RORC: variants seen among roughly 807,000 people sequenced by gnomAD.
RORC encodes the protein nuclear receptor ROR-gamma.
Under a neutral mutation model 64.5 loss-of-function variants are expected in RORC, and 13 were observed. The ratio of observed to expected loss-of-function variants is 0.20; its 90% CI spans 0.13 to 0.32. The LOEUF (loss-of-function observed/expected upper bound fraction) is 0.32, where lower values mean the gene tolerates loss of function less well. Ranked by LOEUF, RORC falls within the 10% of genes least tolerant of loss-of-function variation. RORC has a pLI of 1.00. For missense variants in RORC, 468 were observed against 669.5 expected, an observed-to-expected ratio of 0.70 and a Z score of 3.32; for synonymous variants, 277 against 259.3, an observed-to-expected ratio of 1.07 and a Z score of -0.65.
chr1:151,807,938 A>G lies in RORC; in HGVS notation c.1396-305T>C, dbSNP rs540400353. On this transcript the variant is annotated intron_variant, in intron 10 of 10. Coordinates refer to ENST00000318247, the MANE Select transcript of RORC (RefSeq NM_005060.4). This position sits in a 1 kb window ranked among gnomAD's most constrained non-coding sequence, Gnocchi z 5.0. ...TGCACTTCCTGCTTTTATAAGAGTG[A>G]TTGTCTGTGACTCTTGTTGTATGCT... Among the ~76,000 whole-genome samples the G allele has an allele frequency of 6.6e-6, 1 of 152,246 alleles. No homozygotes were observed. The highest frequency in any genetic ancestry group is 1.5e-5 in the Non-Finnish European group (1 of 68,008).
chr1:151,823,944 T>C (rs1212444060), intron 2 of RORC, among the ~76,000 whole-genome samples: 1 of 152,198 alleles, frequency 6.6e-6, no homozygotes, highest in Non-Finnish European at 1.5e-5. Context: ...CCTCCATGCG[T>C]TTGGCTCTAT....
chr1:151,819,682 A>G (rs1184260929), intron 2 of RORC, among the ~76,000 whole-genome samples: 1 of 152,138 alleles, frequency 6.6e-6, no homozygotes, highest in African/African-American at 2.4e-5. Context: ...TGCTGACCAC[A>G]TGGTGACCCC....
chr1:151,812,560 C>T (rs764854203), intron 9 of RORC: 1 of 185,786 alleles, frequency 5.4e-6, no homozygotes, highest in Non-Finnish European at 1.1e-5. Context: ...AGTCATGGAG[C>T]ACATGTACAC....
At chr1:151,815,537 A>T in intron 4 of RORC, 112 bp from the exon 5 acceptor site, 6 of 1,339,538 alleles carry the variant, frequency 4.5e-6, no homozygotes, top group Non-Finnish European at 5.9e-6. Context: ...TGAATGGCTG[A>T]CTCCAAGCAC....
chr1:151,818,035 A>T (rs79469888), intron 2 of RORC, among the ~76,000 whole-genome samples: 3,341 of 152,326 alleles, frequency 0.022, 128 homozygotes, highest in African/African-American at 0.077. Flanking sequence ...GTGAACATGA[A>T]TCATCAATGT....
chr1:151,829,114 G>A (rs138806560), intron 2 of RORC, among the ~76,000 whole-genome samples: 2 of 139,378 alleles, frequency 1.4e-5, no homozygotes, highest in African/African-American at 5.5e-5. Flanking sequence ...CCTGGCAGTC[G>A]GCCCCACCCC....
chr1:151,823,626 C>A (rs904572165), intron 2 of RORC, among the ~76,000 whole-genome samples: 2 of 152,220 alleles, frequency 1.3e-5, no homozygotes, highest in Admixed American at 6.5e-5. Flanking sequence ...TGTTTCTGGG[C>A]TTCACACCTT....
At position 151,817,267 on chromosome 1, in the gene RORC, C is replaced by T; in HGVS notation, c.84G>A (p.Val28=). 6.2e-7 allele frequency: 1 copy of T among 1,613,940 alleles called. No individual in the cohort carries two copies. Among genetic ancestry groups the T allele is most frequent in the Non-Finnish European group, 8.5e-7 (1 of 1,179,778 alleles). Residue 28 remains valine (V), a synonymous_variant, in exon 3 of 11, where the codon GTG becomes GTA. Coordinates refer to ENST00000318247, the MANE Select transcript of RORC (RefSeq NM_005060.4). ...AKKTHTSQIE[V]IPCKICGDKS... is the part of the protein sequence containing the mutation. The stretch of plus-strand genomic sequence containing the variant: ...TGTCCCCACAGATTTTGCAAGGGAT[C>T]ACTTCAATTTGTGCTGGAAGAGAGA...
chr1:151,810,237 T>G (rs543994011), intron 10 of RORC, among the ~76,000 whole-genome samples: 45 of 152,304 alleles, frequency 3.0e-4, no homozygotes, highest in Non-Finnish European at 2.9e-5. Flanking sequence ...TCATTTTTTT[T>G]GTTTTGCTCC....
chr1:151,816,334 G>A (rs1252958944), intron 4 of RORC, among the ~76,000 whole-genome samples: 1 of 152,244 alleles, frequency 6.6e-6, no homozygotes, highest in African/African-American at 2.4e-5. Context: ...CAGGGTAGCA[G>A]GGGAAGGTGC....
intron 10 of RORC, 122 bp downstream of exon 10, chr1:151,811,203 C>T: frequency 1.7e-6 from 1 of 579,908 alleles, no homozygotes; most frequent in Non-Finnish European, 3.1e-6. Flanking sequence ...TGCAAGCTCT[C>T]TAACAGAGAG....
chr1:151,807,624 T>G lies in RORC; in HGVS notation c.1405A>C (p.Lys469Gln). 1 of 1,614,096 alleles carries G rather than the reference T, an allele frequency of 6.2e-7. No homozygotes were observed. Among genetic ancestry groups the G allele is most frequent in the Non-Finnish European group, 8.5e-7 (1 of 1,180,002 alleles). ...CTACACAGGCTCCGAAGCTTCCCCT[T>G]GGGTGGCAGCTGGATATGGGTTAAT... ...RQSILAKLPPKGKLRSLCSQH... is the reference protein window; with the variant it reads ...RQSILAKLPPQGKLRSLCSQH... Residue 469 changes from lysine (K) to glutamine (Q), a missense_variant, in exon 11 of 11, where the codon AAG becomes CAG. Coordinates refer to ENST00000318247, the MANE Select transcript of RORC (RefSeq NM_005060.4). This position sits in a 1 kb window ranked among gnomAD's most constrained non-coding sequence, Gnocchi z 5.0.
chr1:151,828,887 G>A (rs374517019), intron 2 of RORC, among the ~76,000 whole-genome samples: 134 of 152,032 alleles, frequency 8.8e-4, no homozygotes, highest in African/African-American at 3.2e-3. Context: ...GCTGAGGCAG[G>A]AGAATCGCTT....
chr1:151,814,306 C>T, intron 6 of RORC: 1 of 379,858 alleles, frequency 2.6e-6, no homozygotes, highest in Non-Finnish European at 4.8e-6. Flanking sequence ...GAGGGTGCAC[C>T]AAGGTCTGCA....
At chr1:151,829,231 C>T (rs954138163) in intron 2 of RORC, among the ~76,000 whole-genome samples, 198 bp downstream of exon 2, 6 of 151,830 alleles carry the variant, frequency 4.0e-5, no homozygotes, top group African/African-American at 1.5e-4. Context: ...TCCTTTCATG[C>T]TTCAGGCTTC....
Position 151,807,611 on chromosome 1 carries a change from C to T in RORC, c.1418G>A (p.Arg473Gln), listed in dbSNP as rs1359262190. The T allele has an allele frequency of 1.9e-6, 3 of 1,614,048 alleles. No individual in the cohort carries two copies. The highest frequency in any genetic ancestry group is 1.3e-5 in the African/African-American group (1 of 74,926). The change falls in exon 11 of 11, where the codon CGG becomes CAG. Residue 473 changes from arginine (R) to glutamine (Q), a missense_variant. Arg to Gln is a conservative substitution (Grantham distance 43). This residue lies in a region of RORC where 93 missense variants were observed against 116.6 expected (regional missense o/e 0.80). Transcript: ENST00000318247. This position sits in a 1 kb window ranked among gnomAD's most constrained non-coding sequence, Gnocchi z 5.0. ...TTCCACATGCTGGCTACACAGGCTCCGAAGCTTCCCCTTGGGTGGCAGCTG... is the reference window on the plus strand; with the variant it reads ...TTCCACATGCTGGCTACACAGGCTCTGAAGCTTCCCCTTGGGTGGCAGCTG... ...LAKLPPKGKL[R>Q]SLCSQHVERL...
chr1:151,831,674 T>G, intron 1 of RORC, 51 bp downstream of exon 1: 1 of 1,609,724 alleles, frequency 6.2e-7, no homozygotes, highest in Non-Finnish European at 8.5e-7. Context: ...TGCCCTCCTC[T>G]GAACCTCCAG....
Position 151,827,943 on chromosome 1 carries a change from A to G in RORC, c.70+1486T>C, listed in dbSNP as rs547877001. Among the ~76,000 whole-genome samples the G allele has an allele frequency of 2.6e-5, 4 of 151,822 alleles. No individual in the cohort carries two copies. In the South Asian group the frequency reaches 6.3e-4, roughly 24 times the overall value. On this transcript the variant is annotated intron_variant, in intron 2 of 10. Transcript: ENST00000318247. ...TCCCCCTACTCCCCCCACCCACATA[A>G]GGTCCGTGACCCCCCTCCCCCAGCT...
chr1:151,827,083 A>G (rs1652223767), intron 2 of RORC, among the ~76,000 whole-genome samples: 1 of 152,254 alleles, frequency 6.6e-6, no homozygotes, highest in South Asian at 2.1e-4. Flanking sequence ...ATGCCACTGC[A>G]CTACAGCCTG....
Sources: gnomAD v4.1 joint callset for allele counts (sites outside exome capture counted in the v4.1 genomes callset) on GRCh38, gnomAD v4.1.1 for gene constraint, gnomAD v4.1.1 regional missense constraint, Gnocchi (gnomAD v3.1) non-coding constraint, MANE v1.5 for transcripts, NCBI Gene and HGNC (gene_info 2026-07-23, HGNC 2026-07-21) for gene names.